Variants in PCDHA2 observed in about 807,000 individuals in gnomAD.
PCDHA2 encodes protocadherin alpha-2.
PCDHA2 carries 58 observed loss-of-function variants against 66.0 expected under a neutral mutation model. The ratio of observed to expected loss-of-function variants is 0.88; its 90% CI spans 0.71 to 1.09. The LOEUF (loss-of-function observed/expected upper bound fraction) is 1.09. Ranked by LOEUF, PCDHA2 falls within the 50% of genes least tolerant of loss-of-function variation. The probability of loss-of-function intolerance (pLI) is 0.00; values close to 1 mark genes in which losing one functional copy is unlikely to be tolerated. For missense variants in PCDHA2, 1,267 were observed against 1,242.3 expected (o/e 1.02, Z -0.30); for synonymous variants, 634 against 554.0 (o/e 1.14, Z -2.03).
At chr5:140,883,288 A>G (rs781835023) in intron 1 of PCDHA2, 1 of 1,614,110 alleles carries the variant, frequency 6.2e-7, no homozygotes, top group Non-Finnish European at 8.5e-7. Context: ...TGGTGGAAGT[A>G]CTAGATGTAA....
At chr5:140,850,631 T>A (rs2150491599) in intron 1 of PCDHA2, 1 of 1,598,518 alleles carries the variant, frequency 6.3e-7, no homozygotes, top group South Asian at 1.1e-5. Flanking sequence ...GCCTGTTGGT[T>A]CTCACGCTGC....
At chr5:140,823,371 C>T (rs202138902) in intron 1 of PCDHA2, 20 of 1,612,612 alleles carry the variant, frequency 1.2e-5, no homozygotes, top group Middle Eastern at 1.8e-4. Flanking sequence ...TGCTGCAGTT[C>T]CAGGTGAGCG....
Position 140,838,280 on chromosome 5 carries a change from AT to A in PCDHA2, c.2388+40943del, listed in dbSNP as rs2150286950. On this transcript the variant is annotated intron_variant, in intron 1 of 3. Transcript: ENST00000526136. ...AGACGCCAACAACCAAGCCATGCTAATTTTTTTTTTTTTTTGTATTTTTAGT... is the reference window on the plus strand; with the variant it reads ...AGACGCCAACAACCAAGCCATGCTAATTTTTTTTTTTTTTGTATTTTTAGT... 8.7e-4 allele frequency among the ~76,000 whole-genome samples: 122 copies of A among 139,548 alleles called. 1 individual carries two copies. The highest frequency in any genetic ancestry group is 4.8e-3 in the South Asian group (21 of 4,398). The allele number at this position is 139,548 out of a possible 152,430, so 91.5% of individuals were successfully genotyped here. A position where few individuals can be genotyped will look rare whatever the true frequency, so the allele number is the denominator to read the frequency against.
chr5:140,873,571 TGTTTAA>T (rs141288581), intron 1 of PCDHA2, among the ~76,000 whole-genome samples: 18,659 of 152,254 alleles, frequency 0.12, 1,208 homozygotes, highest in Middle Eastern at 0.19. Flanking sequence ...CTAGTTTGGT[TGTTTAA>T]GTATTAAGCT....
Position 140,795,059 on chromosome 5 carries a change from G to A in PCDHA2, c.95G>A (p.Arg32His), listed in dbSNP as rs563648142. The change falls in exon 1 of 4, where the codon CGC (arginine) becomes CAC (histidine). Residue 32 changes from arginine to histidine, a missense_variant. Physicochemically the swap from Arg to His is conservative, Grantham distance 29. Transcript: ENST00000526136. ...TGGGAGGTGGGGAGCGGCCAGCTCC[G>A]CTACTCCGTCCCCGAGGAGGCCAAA... The part of the protein sequence containing the change: ...AAWEVGSGQL[R>H]YSVPEEAKHG... 2.2e-5 allele frequency: 36 copies of A among 1,613,904 alleles called. No individual in the cohort carries two copies. The African/African-American group carries it at 4.3e-4, about 19-fold the overall frequency.
intron 1 of PCDHA2, chr5:140,967,828 CATCGTGG>C: frequency 6.2e-7 from 1 of 1,614,146 alleles, no homozygotes. Flanking sequence ...TGCTGGTGGA[CATCGTGG>C]ACGTGAATGA....
chr5:140,842,242 T>A (rs1358378131), intron 1 of PCDHA2: 2 of 1,612,266 alleles, frequency 1.2e-6, no homozygotes, highest in Non-Finnish European at 1.7e-6. Flanking sequence ...TTCGGGGTAA[T>A]TTGGATTTTG....
At chr5:140,871,789 AAAT>A (rs2053309848) in intron 1 of PCDHA2, among the ~76,000 whole-genome samples, 1 of 152,254 alleles carries the variant, frequency 6.6e-6, no homozygotes, top group Non-Finnish European at 1.5e-5. Context: ...ACTTGAGTAG[AAAT>A]AATTACTATT....
At chr5:140,851,449 A>G in intron 1 of PCDHA2, 2 of 913,694 alleles carry the variant, frequency 2.2e-6, no homozygotes, top group Middle Eastern at 5.7e-4. Flanking sequence ...GCTCCACTTT[A>G]GGAATCAAAT....
At chr5:140,824,875 A>C (rs1229928755) in intron 1 of PCDHA2, 16 of 152,018 alleles carry the variant, frequency 1.1e-4, no homozygotes, top group African/African-American at 3.9e-4. Flanking sequence ...TTTTTGCAGC[A>C]TATGGTTTAT....
At chr5:140,949,634 G>A (rs1172841481) in intron 1 of PCDHA2, among the ~76,000 whole-genome samples, 3 of 151,562 alleles carry the variant, frequency 2.0e-5, no homozygotes, top group East Asian at 1.9e-4. Flanking sequence ...ATGGCATATT[G>A]CTTTTTGTTC....
intron 1 of PCDHA2, chr5:140,871,248 G>C (rs782440984): frequency 7.2e-5 from 117 of 1,613,852 alleles, no homozygotes; most frequent in Non-Finnish European, 9.5e-5. Context: ...TCACGCTGCT[G>C]CTGTATACGG....
At chr5:140,809,122 C>G in intron 1 of PCDHA2, 1 of 1,613,994 alleles carries the variant, frequency 6.2e-7, no homozygotes, top group South Asian at 1.1e-5. Flanking sequence ...CTCCGCGCCA[C>G]CGCCTACTGG....
intron 1 of PCDHA2, among the ~76,000 whole-genome samples, chr5:140,799,953 T>C (rs1446097921): frequency 6.6e-6 from 1 of 152,116 alleles, no homozygotes; most frequent in Non-Finnish European, 1.5e-5. Flanking sequence ...CTTTAGAATG[T>C]TTTATTGCTT....
chr5:140,992,845 C>T (rs2097530741), intron 3 of PCDHA2, among the ~76,000 whole-genome samples: 1 of 152,148 alleles, frequency 6.6e-6, no homozygotes, highest in African/African-American at 2.4e-5. Context: ...TTTTGTATAA[C>T]AACCAGTTTC....
intron 1 of PCDHA2, chr5:140,868,917 AAGTT>A: frequency 1.0e-6 from 1 of 955,956 alleles, no homozygotes; most frequent in Non-Finnish European, 1.5e-6. Flanking sequence ...ACTTGGTGGA[AAGTT>A]CATTTAAAGG....
intron 1 of PCDHA2, chr5:140,857,181 C>CAGG (rs782645351): frequency 1.3e-6 from 2 of 1,598,372 alleles, no homozygotes; most frequent in African/African-American, 2.7e-5. Context: ...GACCATGATT[C>CAGG]AGGAGCCAAC....
At chr5:140,927,417 G>A (rs74597681) in intron 1 of PCDHA2, 37,118 of 1,614,096 alleles carry the variant, frequency 0.023, 560 homozygotes, top group African/African-American at 0.056. Flanking sequence ...ACATGGGATC[G>A]CGGGTTGACG....
chr5:140,939,054 G>C (rs1304220594), intron 1 of PCDHA2, among the ~76,000 whole-genome samples: 1 of 152,112 alleles, frequency 6.6e-6, no homozygotes, highest in East Asian at 1.9e-4. Flanking sequence ...GTCCATTTGG[G>C]CTGCTATATC....
Sources: allele counts gnomAD v4.1 joint callset (sites outside exome capture counted in the v4.1 genomes callset), GRCh38; gene constraint gnomAD v4.1.1; transcripts MANE v1.5; gene names NCBI Gene and HGNC (gene_info 2026-07-23, HGNC 2026-07-21).